PDE1C: variants seen among roughly 807,000 people sequenced by gnomAD.
PDE1C encodes the protein dual specificity calcium/calmodulin-dependent 3',5'-cyclic nucleotide phosphodiesterase 1C.
Under a neutral mutation model 93.1 loss-of-function variants are expected in PDE1C, and 62 were observed. That is an observed-to-expected ratio of 0.67 (90% CI 0.54 to 0.82). PDE1C has a LOEUF of 0.82. Ranked by LOEUF, PDE1C falls within the 40% of genes least tolerant of loss-of-function variation. The pLI, the probability that PDE1C is intolerant of heterozygous loss-of-function variation, is 0.00. For synonymous variants in PDE1C, 325 were observed against 310.1 expected, an observed-to-expected ratio of 1.05 and a Z score of -0.50; for missense variants, 742 against 884.6, an observed-to-expected ratio of 0.84 and a Z score of 2.04.
At chr7:31,918,861 A>G (rs922003481) in intron 2 of PDE1C, among the ~76,000 whole-genome samples, 3 of 152,204 alleles carry the variant, frequency 2.0e-5, no homozygotes, top group Non-Finnish European at 4.4e-5. Flanking sequence ...ATACTATGTG[A>G]TACCACTCCA....
intron 1 of PDE1C, among the ~76,000 whole-genome samples, chr7:32,401,637 G>T (rs116005239): frequency 2.0e-5 from 3 of 152,126 alleles, no homozygotes; most frequent in Non-Finnish European, 4.4e-5. Flanking sequence ...TGGTCCCACC[G>T]CAGCTTGCCC....
intron 1 of PDE1C, among the ~76,000 whole-genome samples, chr7:32,277,033 G>A (rs992253666): frequency 2.6e-5 from 4 of 152,090 alleles, no homozygotes; most frequent in Non-Finnish European, 4.4e-5. Context: ...CAGGCAGATC[G>A]CTTGAGCCCA....
chr7:32,255,347 G>C (rs1199402488), intron 1 of PDE1C, among the ~76,000 whole-genome samples: 1 of 152,170 alleles, frequency 6.6e-6, no homozygotes, highest in Non-Finnish European at 1.5e-5. Flanking sequence ...CCTGGGCTTT[G>C]GATTTGCATA....
intron 2 of PDE1C, among the ~76,000 whole-genome samples, chr7:31,957,122 C>A: frequency 6.6e-6 from 1 of 150,412 alleles, no homozygotes; most frequent in South Asian, 2.1e-4. Flanking sequence ...CTGTGGTATT[C>A]AAACAGAAAT....
intron 2 of PDE1C, among the ~76,000 whole-genome samples, chr7:32,035,649 C>T (rs1790967766): frequency 6.6e-6 from 1 of 152,122 alleles, no homozygotes; most frequent in South Asian, 2.1e-4. Flanking sequence ...TCCCTATTTC[C>T]TTGCGGGGGT....
At position 32,350,572 on chromosome 7, in the gene PDE1C, A is replaced by T. The variant is rs865890410; in HGVS notation, c.310+77250T>A. Among the ~76,000 whole-genome samples the T allele has an allele frequency of 1.2e-3, 4 of 3,236 alleles. 2 individuals are homozygous for T. The highest frequency in any genetic ancestry group is 7.5e-3 in the Non-Finnish European group (2 of 266). 2.1% of individuals were successfully genotyped at this position (3,236 alleles called of 152,430 possible). On this transcript the variant is annotated intron_variant, in intron 1 of 1. Coordinates refer to the PDE1C transcript ENST00000672256. ...AATATATATATATATATATATATAT[A>T]TATATATATATATATATATTTTTTT...
At chr7:31,911,589 G>A (rs1801255995) in intron 2 of PDE1C, among the ~76,000 whole-genome samples, 1 of 152,094 alleles carries the variant, frequency 6.6e-6, no homozygotes, top group African/African-American at 2.4e-5. Flanking sequence ...CTTCACTTCT[G>A]CCCATCACAT....
rs142667027 is a variant in PDE1C, at chr7:31,920,490, G to A, written c.129-39630C>T. Among the ~76,000 whole-genome samples the A allele has an allele frequency of 3.3e-3, 498 of 151,580 alleles. 3 individuals carry two copies. The highest frequency in any genetic ancestry group is 0.011 in the African/African-American group (459 of 41,474). On this transcript the variant is annotated intron_variant, in intron 2 of 17. Coordinates refer to ENST00000396191, the MANE Select transcript of PDE1C (RefSeq NM_001191057.4). ...GGTGGCCTGGGGAGAACTCTCCTGA[G>A]ATAGTAAAAGACAGAAAAAGCCAAA...
At chr7:31,926,378 C>T (rs1174352790) in intron 2 of PDE1C, among the ~76,000 whole-genome samples, 1 of 152,204 alleles carries the variant, frequency 6.6e-6, no homozygotes, top group East Asian at 1.9e-4. Flanking sequence ...ACAAAGCAGT[C>T]ACTCAATAAA....
At chr7:31,660,042 T>TC in the PDE1C span, among the ~76,000 whole-genome samples, 331 of 152,228 alleles carry the variant, frequency 2.2e-3, 1 homozygote, top group African/African-American at 7.6e-3. Context: ...AAGGTGCATT[T>TC]CCCCCTTTTT....
intron 2 of PDE1C, chr7:31,941,496 C>T (rs1353791320): frequency 6.4e-6 from 1 of 155,444 alleles, no homozygotes; most frequent in Admixed American, 6.5e-5. Flanking sequence ...ATCACCCTAT[C>T]ACCCCTACTA....
chr7:31,877,892 C>A, intron 5 of PDE1C, 78 bp downstream of exon 5: 1 of 850,380 alleles, frequency 1.2e-6, no homozygotes. Flanking sequence ...TAAATGAAAG[C>A]CTCTTATTTT....
At chr7:31,958,492 C>A (rs1163767149) in intron 2 of PDE1C, among the ~76,000 whole-genome samples, 1 of 152,194 alleles carries the variant, frequency 6.6e-6, no homozygotes, top group Non-Finnish European at 1.5e-5. Context: ...CTTTTGCAAT[C>A]TGAATATCCA....
intron 1 of PDE1C, among the ~76,000 whole-genome samples, chr7:32,406,570 A>G (rs117669616): frequency 0.013 from 1,944 of 151,744 alleles, 25 homozygotes; most frequent in Middle Eastern, 0.027. Context: ...GAAAAATCCA[A>G]TTGTATAAAA....
intron 2 of PDE1C, among the ~76,000 whole-genome samples, chr7:32,050,025 T>A (rs1793136767): frequency 6.6e-6 from 1 of 152,180 alleles, no homozygotes; most frequent in Admixed American, 6.5e-5. Context: ...TTGTACAGCA[T>A]AATACTGTAC....
intron 2 of PDE1C, among the ~76,000 whole-genome samples, chr7:31,964,795 T>A (rs529780329): frequency 6.6e-6 from 1 of 152,284 alleles, no homozygotes; most frequent in African/African-American, 2.4e-5. Context: ...CATTTACAGT[T>A]CACCAATATA....
the PDE1C span, among the ~76,000 whole-genome samples, chr7:31,745,886 T>G: frequency 1.3e-5 from 2 of 152,340 alleles, no homozygotes; most frequent in South Asian, 4.1e-4. Flanking sequence ...TTCAAATGCT[T>G]TGCACTCATT....
chr7:31,897,644 G>A lies in PDE1C; in HGVS notation c.129-16784C>T, dbSNP rs560108499. ...CTACTTTTCTCTAATATTGTTTTCT[G>A]TCTCTCTCTGGACACTCTCTGAGGA... On this transcript the variant is annotated intron_variant, in intron 2 of 17. Coordinates refer to ENST00000396191, the MANE Select transcript of PDE1C (RefSeq NM_001191057.4). 7.2e-5 allele frequency among the ~76,000 whole-genome samples: 11 copies of A among 152,102 alleles called. No homozygotes were observed. The East Asian group carries it at 1.4e-3, about 19-fold the overall frequency.
intron 2 of PDE1C, among the ~76,000 whole-genome samples, chr7:31,910,765 C>T (rs1441512958): frequency 1.3e-5 from 2 of 152,142 alleles, no homozygotes; most frequent in African/African-American, 4.8e-5. Flanking sequence ...GCCTCAGTTT[C>T]CTCCTCTGTC....
Sources: allele counts gnomAD v4.1 joint callset (sites outside exome capture counted in the v4.1 genomes callset), GRCh38; gene constraint gnomAD v4.1.1; transcripts MANE v1.5; gene names NCBI Gene and HGNC (gene_info 2026-07-23, HGNC 2026-07-21).